PHIP: variants seen among roughly 807,000 people sequenced by gnomAD.
The protein encoded by PHIP is PH-interacting protein.
PHIP carries 54 observed loss-of-function variants against 236.8 expected under a neutral mutation model. That is an observed-to-expected ratio of 0.23 (90% CI 0.18 to 0.29). The LOEUF is 0.29. Among genes scored for constraint, PHIP ranks in the 10% least tolerant of loss-of-function variants. The probability of loss-of-function intolerance (pLI) is 1.00; values close to 1 mark genes in which losing one functional copy is unlikely to be tolerated. For synonymous variants in PHIP, 756 were observed against 718.9 expected (o/e 1.05, Z -0.83); for missense variants, 1,370 against 2,190.8 (o/e 0.63, Z 7.48).
At chr6:78,969,560 T>C (rs1411032913) in intron 27 of PHIP, among the ~76,000 whole-genome samples, 1 of 152,188 alleles carries the variant, frequency 6.6e-6, no homozygotes, top group Non-Finnish European at 1.5e-5. Flanking sequence ...TTGTTATTAA[T>C]ATTTTTATAC....
Position 78,946,102 on chromosome 6 carries a change from C to T in PHIP, c.4529G>A (p.Arg1510Gln), listed in dbSNP as rs200729688. Residue 1510 changes from arginine to glutamine, a missense_variant, in exon 38 of 40, where the codon CGA becomes CAA. By Grantham distance (43) the Arg-to-Gln change is conservative. Transcript: ENST00000275034. ...SSSVVRTRSN[R>Q]VVVDPVVTEQ... ...AGTGACAACTGGATCTACAACCACT[C>T]GGTTGCTTCTGGTTCGAACCACAGA... The T allele has an allele frequency of 3.1e-6, 5 of 1,613,582 alleles. No individual in the cohort carries two copies. The highest frequency in any genetic ancestry group is 1.3e-5 in the African/African-American group (1 of 75,044).
chr6:79,012,621 G>C (rs1487644570), intron 15 of PHIP, among the ~76,000 whole-genome samples: 1 of 151,686 alleles, frequency 6.6e-6, no homozygotes. Context: ...AAGTATCGTG[G>C]TATTTTAGTA....
In PHIP at chr6:78,954,977, G is replaced by A; in HGVS notation, c.3904-14C>T. On this transcript the variant is annotated splice_polypyrimidine_tract_variant and intron_variant, in intron 34 of 39. Transcript: ENST00000275034. Reference sequence around the variant, plus strand: ...AGGCTGATGGTCCTGTGATAAAAGTGTTCAAATATATTAATAAAAGAGCAC... The same window carrying A: ...AGGCTGATGGTCCTGTGATAAAAGTATTCAAATATATTAATAAAAGAGCAC... The A allele has an allele frequency of 6.6e-7, 1 of 1,516,430 alleles. No individual in the cohort carries two copies. Among genetic ancestry groups the A allele is most frequent in the Non-Finnish European group, 8.8e-7 (1 of 1,134,394 alleles). The allele number at this position is 1,516,430 out of a possible 1,614,324, so 93.9% of individuals were successfully genotyped here.
intron 24 of PHIP, among the ~76,000 whole-genome samples, chr6:78,971,729 T>C (rs1165498286): frequency 6.6e-6 from 1 of 151,546 alleles, no homozygotes; most frequent in East Asian, 1.9e-4. Context: ...GCACAGGGAG[T>C]CAGGGAGTTC....
intron 7 of PHIP, among the ~76,000 whole-genome samples, chr6:79,030,326 C>T (rs1383429445): frequency 6.6e-6 from 1 of 152,154 alleles, no homozygotes; most frequent in Non-Finnish European, 1.5e-5. Context: ...AGAAATACCT[C>T]AACTGACATA....
At position 78,946,314 on chromosome 6, in the gene PHIP, A is replaced by G. The variant is rs572735626; in HGVS notation, c.4371-54T>C. ...TCTTATAGCTCTATGTGAACGAATA[A>G]AACAGTTTATAATATTTTTGGATTC... is the stretch of plus-strand genomic sequence containing the variant. On this transcript the variant is annotated intron_variant, in intron 37 of 39. Coordinates refer to ENST00000275034, the MANE Select transcript of PHIP (RefSeq NM_017934.7). 95 of 1,512,940 alleles carry G rather than the reference A, an allele frequency of 6.3e-5. No individual in the cohort carries two copies. In the East Asian group the frequency reaches 2.0e-3, roughly 31 times the overall value. The allele number at this position is 1,512,940 out of a possible 1,614,324, so 93.7% of individuals were successfully genotyped here. A position where few individuals can be genotyped will look rare whatever the true frequency, so the allele number is the denominator to read the frequency against.
chr6:79,026,167 T>A lies in PHIP; in HGVS notation c.601-3A>T, dbSNP rs749571627. ...TTCACAAGACAGTCATCAGAACCCT[T>A]AAAGTAAGAATGGATATTAATAGAA... On this transcript the variant is annotated splice_polypyrimidine_tract_variant and splice_region_variant and intron_variant, in intron 7 of 39. Transcript: ENST00000275034. The A allele has an allele frequency of 6.2e-7, 1 of 1,600,438 alleles. No individual in the cohort carries two copies. The highest frequency in any genetic ancestry group is 2.2e-5 in the East Asian group (1 of 44,824).
In PHIP at chr6:79,017,573, A is replaced by C. The variant is rs764365087; in HGVS notation, c.1005T>G (p.Phe335Leu). 17 of 1,610,562 alleles carry C rather than the reference A, an allele frequency of 1.1e-5. No individual in the cohort carries two copies. The highest frequency in any genetic ancestry group is 1.4e-5 in the Non-Finnish European group (16 of 1,177,344). ...TATGATCTGTGCTTCCCGTCGCCAG[A>C]AACATTCCACCTATGAAGAATAACA... Reference protein sequence around the residue: ...ICSSFSAGGMFLATGSTDHII... With the variant: ...ICSSFSAGGMLLATGSTDHII... Residue 335 changes from phenylalanine to leucine, a missense_variant, in exon 11 of 40, where the codon TTT (phenylalanine) becomes TTG (leucine). Around this residue, in one of 14 missense-constraint regions of PHIP, gnomAD observed 188 missense variants for 354.3 expected, o/e 0.53. Coordinates refer to ENST00000275034, the MANE Select transcript of PHIP (RefSeq NM_017934.7).
Position 79,007,442 on chromosome 6 carries a change from G to A in PHIP, c.1525-3584C>T, listed in dbSNP as rs1435534046. On this transcript the variant is annotated intron_variant, in intron 15 of 39. Transcript: ENST00000275034. The stretch of plus-strand genomic sequence containing the variant: ...TTGAAAAAAACTGGACAAATCTGGA[G>A]ATGAAGTATATTAAAAGCAGAATGC... Among the ~76,000 whole-genome samples, 3 of 152,018 alleles carry A rather than the reference G, an allele frequency of 2.0e-5. No homozygotes were observed. The South Asian group carries it at 6.2e-4, about 32-fold the overall frequency.
At chr6:78,992,124 G>A (rs901318148) in intron 19 of PHIP, among the ~76,000 whole-genome samples, 3 of 151,400 alleles carry the variant, frequency 2.0e-5, no homozygotes, top group Non-Finnish European at 2.9e-5. Flanking sequence ...CACCTCGCCC[G>A]GCTAATTTTT....
intron 9 of PHIP, among the ~76,000 whole-genome samples, chr6:79,022,110 A>C (rs535736992): frequency 6.6e-6 from 1 of 152,322 alleles, no homozygotes; most frequent in South Asian, 2.1e-4. Context: ...ATTTGAGGAA[A>C]CATTTTTAAA....
rs551608448 is a variant in PHIP at position 79,015,706 on chromosome 6, G to T, written c.1313C>A (p.Thr438Lys). 1.2e-6 allele frequency: 2 copies of T among 1,601,974 alleles called. No homozygotes were observed. Among genetic ancestry groups the T allele is most frequent in the Admixed American group, 3.3e-5 (2 of 59,846 alleles). Residue 438 changes from threonine to lysine, a missense_variant, in exon 14 of 40, where the codon ACA becomes AAA. Physicochemically the swap from Thr to Lys is moderately conservative, Grantham distance 78 (BLOSUM62 -1). This residue lies in a region of PHIP where 188 missense variants were observed against 354.3 expected (regional missense o/e 0.53). Coordinates refer to ENST00000275034, the MANE Select transcript of PHIP (RefSeq NM_017934.7). ...TMVAWDRHDNTVITAVNNMTL... is the reference protein window; with the variant it reads ...TMVAWDRHDNKVITAVNNMTL... Reference sequence around the variant, plus strand: ...CATGTTATTAACTGCAGTTATAACTGTATTGTCATGTCGATCCCAAGCTAC... The same window carrying T: ...CATGTTATTAACTGCAGTTATAACTTTATTGTCATGTCGATCCCAAGCTAC...
intron 32 of PHIP, 70 bp from the exon 33 acceptor site, chr6:78,955,752 G>A (rs1766380660): frequency 1.2e-5 from 7 of 588,854 alleles, no homozygotes; most frequent in African/African-American, 3.8e-5. Flanking sequence ...AAATTTGTTC[G>A]TAAAACCATA....
chr6:78,968,593 C>T (rs1767308850), intron 27 of PHIP, among the ~76,000 whole-genome samples: 1 of 152,194 alleles, frequency 6.6e-6, no homozygotes, highest in Non-Finnish European at 1.5e-5. Context: ...ACAACTATAA[C>T]TTCAATACAA....
Position 79,002,133 on chromosome 6 carries a change from A to C in PHIP, c.1654-9T>G, listed in dbSNP as rs749374220. ...AACATCTGATCTGCTATCTGCAAAA[A>C]GAAAAGTCCATAAAAGACTGGAAAA... On this transcript the variant is annotated splice_polypyrimidine_tract_variant and intron_variant, in intron 16 of 39. Transcript: ENST00000275034. 3.8e-6 allele frequency: 6 copies of C among 1,583,490 alleles called. No individual in the cohort carries two copies. The South Asian group carries it at 6.7e-5, about 18-fold the overall frequency.
At chr6:79,063,478 G>A (rs570366707) in intron 4 of PHIP, among the ~76,000 whole-genome samples, 30 of 152,228 alleles carry the variant, frequency 2.0e-4, no homozygotes, top group African/African-American at 6.7e-4. Context: ...GTACAATGGC[G>A]GGATCTCGGC....
intron 31 of PHIP, 107 bp downstream of exon 31, chr6:78,961,583 T>C (rs527347879): frequency 3.0e-5 from 30 of 1,010,676 alleles, no homozygotes; most frequent in South Asian, 3.0e-4. Context: ...CATAATCTTA[T>C]GTGCATTCCT....
chr6:79,027,505 G>A lies in PHIP; in HGVS notation c.601-1341C>T, dbSNP rs183395136. Among the ~76,000 whole-genome samples, 475 of 152,158 alleles carry A rather than the reference G, an allele frequency of 3.1e-3. 3 individuals carry two copies. Among genetic ancestry groups the A allele is most frequent in the African/African-American group, 0.011 (441 of 41,510 alleles). On this transcript the variant is annotated intron_variant, in intron 7 of 39. Transcript: ENST00000275034. ...GTTCCCTAAACCTTTAAAATTAAGC[G>A]ATTCATGCATTCATTTATCCCTTTG... is the stretch of plus-strand genomic sequence containing the variant.
Position 78,960,450 on chromosome 6 carries a change from C to CTTT in PHIP, c.3656+1237_3656+1239dup, listed in dbSNP as rs1208567579. ...GAAAGAGGAATATAGTTAGGAATTC[C>CTTT]TTTTTTTTTTTTTTTTCTCTTAAAC... On this transcript the variant is annotated intron_variant, in intron 31 of 39. Transcript: ENST00000275034. Among the ~76,000 whole-genome samples the CTTT allele has an allele frequency of 1.5e-5, 2 of 137,488 alleles. No homozygotes were observed. The highest frequency in any genetic ancestry group is 3.2e-5 in the Non-Finnish European group (2 of 62,778). The allele number at this position is 137,488 out of a possible 152,430, so 90.2% of individuals were successfully genotyped here. A position where few individuals can be genotyped will look rare whatever the true frequency, so the allele number is the denominator to read the frequency against.
Sources: gnomAD v4.1 joint callset for allele counts (sites outside exome capture counted in the v4.1 genomes callset) on GRCh38, gnomAD v4.1.1 for gene constraint, gnomAD v4.1.1 regional missense constraint, MANE v1.5 for transcripts, NCBI Gene and HGNC (gene_info 2026-07-23, HGNC 2026-07-21) for gene names.